Variants in DIS3L2 observed in about 807,000 individuals in gnomAD.
The protein encoded by DIS3L2 is DIS3-like exonuclease 2.
A neutral mutation model predicts 97.5 loss-of-function variants in DIS3L2; 34 were observed. That is an observed-to-expected ratio of 0.35 (90% CI 0.27 to 0.46). The LOEUF is 0.46. Ranked by LOEUF, DIS3L2 falls within the 20% of genes least tolerant of loss-of-function variation. The probability of loss-of-function intolerance (pLI) is 1.00; values close to 1 mark genes in which losing one functional copy is unlikely to be tolerated. For missense variants in DIS3L2, 1,038 were observed against 1,146.0 expected (o/e 0.91, Z 1.36); for synonymous variants, 435 against 445.2 (o/e 0.98, Z 0.29).
intron 8 of DIS3L2, among the ~76,000 whole-genome samples, chr2:232,145,736 T>C (rs1172589797): frequency 6.6e-6 from 1 of 152,220 alleles, no homozygotes; most frequent in Non-Finnish European, 1.5e-5. Context: ...CTCTGTTTTC[T>C]TAGCTTTCCT....
At chr2:232,210,520 C>A in intron 10 of DIS3L2, 115 bp downstream of exon 10, 1 of 931,074 alleles carries the variant, frequency 1.1e-6, no homozygotes, top group Non-Finnish European at 1.7e-6. Flanking sequence ...AGGTTTGCTT[C>A]GTGCCTGAAC....
chr2:232,134,652 C>T (rs980743643), intron 7 of DIS3L2, among the ~76,000 whole-genome samples: 3 of 152,136 alleles, frequency 2.0e-5, no homozygotes, highest in Admixed American at 6.5e-5. Context: ...TAGTGAAACC[C>T]TGTCTCTACT....
chr2:232,063,780 G>T (rs1204211951), intron 5 of DIS3L2, among the ~76,000 whole-genome samples: 3 of 151,994 alleles, frequency 2.0e-5, no homozygotes, highest in African/African-American at 7.3e-5. Flanking sequence ...GTGTTGATAG[G>T]CCAATACTAG....
At position 232,043,534 on chromosome 2, in the gene DIS3L2, G is replaced by C. The variant is rs144975463; in HGVS notation, c.366+13454G>C. Among the ~76,000 whole-genome samples the C allele has an allele frequency of 2.2e-4, 34 of 152,254 alleles. 2 individuals carry two copies. The highest frequency in any genetic ancestry group is 8.2e-4 in the African/African-American group (34 of 41,530). On this transcript the variant is annotated intron_variant, in intron 5 of 20. Coordinates refer to ENST00000325385, the MANE Select transcript of DIS3L2 (RefSeq NM_152383.5). ...GCCATCTGAAAAGAGTATGACACTG[G>C]TCATGGCAAAAGCTTCAATATTGCT...
chr2:232,247,827 A>G (rs980095317), intron 11 of DIS3L2, among the ~76,000 whole-genome samples: 1 of 152,236 alleles, frequency 6.6e-6, no homozygotes, highest in African/African-American at 2.4e-5. Context: ...TTTGGATTAC[A>G]TTCTAATGCA....
At chr2:232,230,581 C>A (rs1482359128) in intron 10 of DIS3L2, among the ~76,000 whole-genome samples, 1 of 152,192 alleles carries the variant, frequency 6.6e-6, no homozygotes, top group Non-Finnish European at 1.5e-5. Context: ...AACATCTGTT[C>A]TATCTGTCAA....
Position 232,136,540 on chromosome 2 carries a change from G to C in DIS3L2, c.771G>C (p.Lys257Asn). ...ATGFLKLLAD[K>N]NSELFRKYAL... ...GCTTCCTCAAACTCTTGGCTGATAA[G>C]AACAGCGAACTGTTTAGGAAATACG... is the stretch of plus-strand genomic sequence containing the variant. The change falls in exon 8 of 21, where the codon AAG (lysine) becomes AAC (asparagine). Residue 257 changes from lysine (K) to asparagine (N), a missense_variant. This residue lies in a region of DIS3L2 where 813 missense variants were observed against 880.1 expected (regional missense o/e 0.92). Coordinates refer to ENST00000325385, the MANE Select transcript of DIS3L2 (RefSeq NM_152383.5). 1.9e-6 allele frequency: 3 copies of C among 1,614,044 alleles called. No homozygotes were observed. The highest frequency in any genetic ancestry group is 2.5e-6 in the Non-Finnish European group (3 of 1,179,958).
chr2:232,245,663 A>G (rs1693226861), intron 11 of DIS3L2, among the ~76,000 whole-genome samples: 1 of 152,100 alleles, frequency 6.6e-6, no homozygotes, highest in Non-Finnish European at 1.5e-5. Context: ...AAATATAATT[A>G]TACTAACCAA....
chr2:232,002,861 C>A (rs772733488), intron 1 of DIS3L2, among the ~76,000 whole-genome samples: 1 of 152,072 alleles, frequency 6.6e-6, no homozygotes, highest in East Asian at 1.9e-4. Context: ...GTGTGTGTAA[C>A]TCTTATTTTT....
intron 14 of DIS3L2, 24 bp from the exon 15 acceptor site, chr2:232,329,789 T>A: frequency 5.7e-5 from 21 of 368,518 alleles, no homozygotes; most frequent in Non-Finnish European, 9.1e-5. Flanking sequence ...CAGCGGTCCC[T>A]CCCATCCCAC....
In DIS3L2 at chr2:232,136,727, A is replaced by G. The variant is rs776638867; in HGVS notation, c.950+8A>G. 1 of 1,612,054 alleles carries G rather than the reference A, an allele frequency of 6.2e-7. No homozygotes were observed. The highest frequency in any genetic ancestry group is 8.5e-7 in the Non-Finnish European group (1 of 1,178,370). On this transcript the variant is annotated splice_region_variant and intron_variant, in intron 8 of 20. Coordinates refer to ENST00000325385, the MANE Select transcript of DIS3L2 (RefSeq NM_152383.5). ...CTGCAATTTTGCCCTGGGGTAGGTGATCTCTGGTAGGAAAAACCACAGGTC... is the reference window on the plus strand; with the variant it reads ...CTGCAATTTTGCCCTGGGGTAGGTGGTCTCTGGTAGGAAAAACCACAGGTC...
intron 5 of DIS3L2, among the ~76,000 whole-genome samples, chr2:232,056,619 G>A (rs1000925366): frequency 2.6e-5 from 4 of 152,130 alleles, no homozygotes; most frequent in Middle Eastern, 3.2e-3. Context: ...ATGGGAGAAT[G>A]ACTGATACAG....
At chr2:232,077,319 G>A (rs1696224239) in intron 5 of DIS3L2, among the ~76,000 whole-genome samples, 1 of 149,658 alleles carries the variant, frequency 6.7e-6, no homozygotes. Context: ...AAAAAAAACA[G>A]TAGATAGATT....
chr2:232,288,754 A>T (rs1694516901), intron 13 of DIS3L2, among the ~76,000 whole-genome samples: 1 of 152,244 alleles, frequency 6.6e-6, no homozygotes, highest in South Asian at 2.1e-4. Flanking sequence ...GCCTACCATT[A>T]TGGTCATTGT....
intron 1 of DIS3L2, among the ~76,000 whole-genome samples, chr2:231,974,796 A>C (rs1191497737): frequency 1.3e-5 from 2 of 152,186 alleles, no homozygotes; most frequent in African/African-American, 2.4e-5. Flanking sequence ...GATGTATTAT[A>C]ATCTTCTGAT....
intron 6 of DIS3L2, among the ~76,000 whole-genome samples, chr2:232,112,957 A>G (rs945185366): frequency 2.6e-5 from 4 of 152,064 alleles, no homozygotes; most frequent in Admixed American, 6.6e-5. Flanking sequence ...GTAGAGTAAT[A>G]CCTATAGTGG....
At chr2:231,977,622 C>T (rs1693135478) in intron 1 of DIS3L2, among the ~76,000 whole-genome samples, 1 of 152,120 alleles carries the variant, frequency 6.6e-6, no homozygotes, top group African/African-American at 2.4e-5. Context: ...AACTTCTGGC[C>T]AGTAGGAAGG....
intron 6 of DIS3L2, among the ~76,000 whole-genome samples, chr2:232,095,255 A>G (rs560304517): frequency 7.9e-5 from 12 of 152,152 alleles, no homozygotes; most frequent in African/African-American, 2.4e-4. Flanking sequence ...TCTTCCTTTT[A>G]GTGAAAGTGA....
chr2:232,206,151 C>T (rs1692020953), intron 9 of DIS3L2, among the ~76,000 whole-genome samples: 1 of 152,202 alleles, frequency 6.6e-6, no homozygotes, highest in Admixed American at 6.5e-5. Flanking sequence ...CTGGGAGATG[C>T]TGTCCCACAA....
Sources: gnomAD v4.1 joint callset for allele counts (sites outside exome capture counted in the v4.1 genomes callset) on GRCh38, gnomAD v4.1.1 for gene constraint, gnomAD v4.1.1 regional missense constraint, MANE v1.5 for transcripts, NCBI Gene and HGNC (gene_info 2026-07-23, HGNC 2026-07-21) for gene names.